SBF2: variants seen among roughly 807,000 people sequenced by gnomAD.
SBF2 encodes SET binding factor 2.
SBF2 carries 112 observed loss-of-function variants against 225.2 expected under a neutral mutation model. That is an observed-to-expected ratio of 0.50 (90% CI 0.43 to 0.58). SBF2 has a LOEUF of 0.58. Among genes scored for constraint, SBF2 ranks in the 20% least tolerant of loss-of-function variants. The pLI is 0.00. For synonymous variants in SBF2, 763 were observed against 773.3 expected, an observed-to-expected ratio of 0.99 and a Z score of 0.22; for missense variants, 1,996 against 2,206.2, an observed-to-expected ratio of 0.90 and a Z score of 1.91.
intron 32 of SBF2, among the ~76,000 whole-genome samples, chr11:9,802,166 A>G (rs1853531012): frequency 1.3e-5 from 2 of 152,228 alleles, no homozygotes; most frequent in Admixed American, 1.3e-4. Context: ...TATTTTAAAA[A>G]GAAAGTTTAC....
At chr11:9,805,823 C>T (rs529453826) in intron 32 of SBF2, among the ~76,000 whole-genome samples, 21 of 152,208 alleles carry the variant, frequency 1.4e-4, no homozygotes, top group Admixed American at 2.6e-4. Flanking sequence ...GGGGTTTCAC[C>T]ATGTTGGCCA....
chr11:10,020,223 G>A (rs1238154350), intron 6 of SBF2, among the ~76,000 whole-genome samples: 1 of 152,074 alleles, frequency 6.6e-6, no homozygotes, highest in African/African-American at 2.4e-5. Context: ...GTGAGCTCAC[G>A]CAGGTGCAGT....
At position 9,968,371 on chromosome 11, in the gene SBF2, T is replaced by C. The variant is rs1034644384; in HGVS notation, c.1570A>G (p.Lys524Glu). ...GGTGGACCTGCTGGCACAACACATT[T>C]CTTTTCTATTCGTGTGGCAGGAGGT... ...NAPPATRIEK[K>E]CVVPAGPPVV... The change falls in exon 14 of 40, where the codon AAA (lysine) becomes GAA (glutamate). Residue 524 changes from lysine (K) to glutamate (E), a missense_variant. Transcript: ENST00000256190. 1.9e-6 allele frequency: 3 copies of C among 1,614,064 alleles called. No homozygotes were observed. In the African/African-American group the frequency reaches 4.0e-5, roughly 22 times the overall value.
intron 2 of SBF2, among the ~76,000 whole-genome samples, chr11:10,184,814 C>T (rs1391503135): frequency 6.6e-6 from 1 of 152,180 alleles, no homozygotes; most frequent in African/African-American, 2.4e-5. Flanking sequence ...GCAAGCTCTG[C>T]CTCCTGGGCT....
intron 1 of SBF2, among the ~76,000 whole-genome samples, chr11:10,212,511 C>A (rs1332698691): frequency 3.9e-5 from 6 of 152,160 alleles, no homozygotes; most frequent in Admixed American, 3.3e-4. Context: ...GGAAGATATG[C>A]TGCCTCTTTT....
rs1180454613 is a variant in SBF2 at position 10,133,501 on chromosome 11, C to T, written c.141+60401G>A. ...GAAATCGAACGCAGTGCCGGTGGGC[C>T]AGCACTGCTGGGGGACTCAGTACAC... On this transcript the variant is annotated intron_variant, in intron 2 of 39. Transcript: ENST00000256190. Among the ~76,000 whole-genome samples, 5 of 136,566 alleles carry T rather than the reference C, an allele frequency of 3.7e-5. 1 individual carries two copies. The highest frequency in any genetic ancestry group is 8.4e-5 in the Non-Finnish European group (5 of 59,222). The allele number at this position is 136,566 out of a possible 152,430, so 89.6% of individuals were successfully genotyped here.
At chr11:10,103,735 A>AT (rs1485397784) in intron 2 of SBF2, among the ~76,000 whole-genome samples, 11 of 152,320 alleles carry the variant, frequency 7.2e-5, no homozygotes, top group Non-Finnish European at 1.5e-4. Context: ...TGGAGAGCTG[A>AT]TATGTTCATG....
upstream of SBF2, among the ~76,000 whole-genome samples, chr11:10,295,745 C>A (rs1964498943): frequency 2.0e-5 from 3 of 152,014 alleles, no homozygotes; most frequent in South Asian, 6.2e-4. Context: ...TTAGAAAGTT[C>A]TTCCTTATTA....
At chr11:10,161,001 A>ACAC (rs1955703023) in intron 2 of SBF2, among the ~76,000 whole-genome samples, 1 of 152,124 alleles carries the variant, frequency 6.6e-6, no homozygotes, top group South Asian at 2.1e-4. Flanking sequence ...CGCCTGGCCA[A>ACAC]CATGGTGAAA....
Position 10,002,919 on chromosome 11 carries a change from T to C in SBF2, c.620-230A>G, listed in dbSNP as rs188832530. Among the ~76,000 whole-genome samples, 90 of 152,362 alleles carry C rather than the reference T, an allele frequency of 5.9e-4. 1 individual carries two copies. Among genetic ancestry groups the C allele is most frequent in the Non-Finnish European group, 1.1e-3 (76 of 68,016 alleles). On this transcript the variant is annotated intron_variant, in intron 6 of 39. Coordinates refer to ENST00000256190, the MANE Select transcript of SBF2 (RefSeq NM_030962.4). Reference sequence around the variant, plus strand: ...ACACTCATTGAACATATTAGTTGTTTGGAAACACTATTACCTTCTTTTCAA... The same window carrying C: ...ACACTCATTGAACATATTAGTTGTTCGGAAACACTATTACCTTCTTTTCAA...
intron 1 of SBF2, among the ~76,000 whole-genome samples, chr11:10,216,432 T>A (rs536073797): frequency 1.3e-5 from 2 of 152,258 alleles, no homozygotes; most frequent in Non-Finnish European, 2.9e-5. Flanking sequence ...TTGAAAGCCA[T>A]AATCATGATT....
intron 3 of SBF2, 99 bp downstream of exon 3, chr11:10,042,744 TA>T: frequency 7.9e-7 from 1 of 1,271,812 alleles, no homozygotes; most frequent in Non-Finnish European, 1.1e-6. Context: ...TGCTAGCCCA[TA>T]AAACTCAAAC....
intron 2 of SBF2, among the ~76,000 whole-genome samples, chr11:10,153,373 C>A (rs996422719): frequency 3.3e-5 from 5 of 152,018 alleles, no homozygotes; most frequent in African/African-American, 1.2e-4. Context: ...CAGTTAAATT[C>A]AAAACCAATT....
intron 1 of SBF2, among the ~76,000 whole-genome samples, chr11:10,202,386 C>G (rs889839594): frequency 1.2e-4 from 18 of 152,194 alleles, no homozygotes; most frequent in Non-Finnish European, 2.9e-5. Context: ...GAGTCATGTT[C>G]AAGTTTCCGG....
chr11:9,821,779 T>C (rs1382781229), intron 28 of SBF2, among the ~76,000 whole-genome samples: 1 of 152,236 alleles, frequency 6.6e-6, no homozygotes, highest in Non-Finnish European at 1.5e-5. Context: ...TGTTTTAGTG[T>C]ATACATTATA....
At chr11:10,281,022 A>G (rs1403619135) in intron 1 of SBF2, among the ~76,000 whole-genome samples, 1 of 152,212 alleles carries the variant, frequency 6.6e-6, no homozygotes, top group Non-Finnish European at 1.5e-5. Flanking sequence ...TTCACTTTCT[A>G]TGACTTTTCT....
chr11:9,795,808 A>T, intron 33 of SBF2, 23 bp downstream of exon 33: 1 of 1,611,962 alleles, frequency 6.2e-7, no homozygotes, highest in Non-Finnish European at 8.5e-7. Context: ...AAAAAGATGA[A>T]ACAAGGGCAT....
Position 9,855,647 on chromosome 11 carries a change from T to C in SBF2, c.2363+811A>G, listed in dbSNP as rs144866297. ...CTAGGAATACAGCAATGAACAAAACTGACAAAGGAAACATAACAAGCAAAC... is the reference window on the plus strand; with the variant it reads ...CTAGGAATACAGCAATGAACAAAACCGACAAAGGAAACATAACAAGCAAAC... On this transcript the variant is annotated intron_variant, in intron 19 of 39. Transcript: ENST00000256190. Among the ~76,000 whole-genome samples, 8 of 152,136 alleles carry C rather than the reference T, an allele frequency of 5.3e-5. No individual in the cohort carries two copies. In the East Asian group the frequency reaches 1.5e-3, roughly 29 times the overall value.
chr11:9,994,116 T>C, intron 9 of SBF2, 118 bp from the exon 10 acceptor site: 1 of 799,868 alleles, frequency 1.3e-6, no homozygotes, highest in Non-Finnish European at 2.1e-6. Flanking sequence ...ATGAATACAA[T>C]TCAATTAGCT....
Sources: allele counts gnomAD v4.1 joint callset (sites outside exome capture counted in the v4.1 genomes callset), GRCh38; gene constraint gnomAD v4.1.1; transcripts MANE v1.5; gene names NCBI Gene and HGNC (gene_info 2026-07-23, HGNC 2026-07-21).